The following TGFA variants were observed in gnomAD, a reference collection of about 807,000 sequenced individuals.
The protein encoded by TGFA is protransforming growth factor alpha.
TGFA carries 12 observed loss-of-function variants against 21.7 expected under a neutral mutation model. The observed-to-expected ratio is 0.55, with a 90% CI of 0.35 to 0.90. The LOEUF (loss-of-function observed/expected upper bound fraction) is 0.90. TGFA is among the 40% of genes least tolerant of loss of function. The pLI is 0.01. For missense variants in TGFA, 178 were observed against 210.8 expected (o/e 0.84, Z 0.96); for synonymous variants, 79 against 88.1 (o/e 0.90, Z 0.58).
At chr2:70,509,004 A>G (rs1553500597) in intron 2 of TGFA, among the ~76,000 whole-genome samples, 1 of 152,256 alleles carries the variant, frequency 6.6e-6, no homozygotes, top group Non-Finnish European at 1.5e-5. Context: ...GTGGATGACA[A>G]GGATAAATCT....
chr2:70,525,382 T>C lies in TGFA; in HGVS notation c.41-10470A>G, dbSNP rs542612043. Among the ~76,000 whole-genome samples, 5 of 152,260 alleles carry C rather than the reference T, an allele frequency of 3.3e-5. No individual in the cohort carries two copies. In the South Asian group the frequency reaches 1.0e-3, roughly 32 times the overall value. ...GCTGCCCCATTGCTAATCCCCACTG[T>C]CCACCTTGGGGGCTGGCCACAGGAC... On this transcript the variant is annotated intron_variant, in intron 1 of 5. Coordinates refer to ENST00000295400, the MANE Select transcript of TGFA (RefSeq NM_003236.4).
At chr2:70,453,358 A>G (rs782142790) in intron 4 of TGFA, 31 bp from the exon 5 acceptor site, 1 of 1,601,804 alleles carries the variant, frequency 6.2e-7, no homozygotes, top group East Asian at 2.2e-5. Flanking sequence ...CAGTCTGGGC[A>G]GGAGCCTGGT....
intron 1 of TGFA, among the ~76,000 whole-genome samples, chr2:70,521,029 A>G (rs1260435552): frequency 2.0e-5 from 3 of 151,808 alleles, no homozygotes; most frequent in Non-Finnish European, 4.4e-5. Flanking sequence ...TACTGCCCCA[A>G]TTCAGGCCCT....
At chr2:70,451,961 G>A (rs1208084750) in intron 5 of TGFA, among the ~76,000 whole-genome samples, 6 of 152,160 alleles carry the variant, frequency 3.9e-5, no homozygotes, top group African/African-American at 1.4e-4. Context: ...CTCAAGTGCC[G>A]CTCCCGCACT....
At chr2:70,542,079 C>A (rs879974415) in intron 1 of TGFA, among the ~76,000 whole-genome samples, 1 of 152,134 alleles carries the variant, frequency 6.6e-6, no homozygotes, top group Non-Finnish European at 1.5e-5. Flanking sequence ...CACCATAATT[C>A]ATTTGGCAAT....
In TGFA at chr2:70,456,344, C is replaced by T; in HGVS notation, c.360G>A (p.Leu120=). 6.4e-7 allele frequency: 1 copy of T among 1,555,940 alleles called. No homozygotes were observed. Among genetic ancestry groups the T allele is most frequent in the South Asian group, 1.2e-5 (1 of 84,244 alleles). Reference sequence around the variant, plus strand: ...TAGGGGCAGCAAGTACTCACTGTATCAGCACACATGTGATGATAAGGACAG... The same window carrying T: ...TAGGGGCAGCAAGTACTCACTGTATTAGCACACATGTGATGATAAGGACAG... The part of the protein sequence containing the change: ...ALAVLIITCV[L]IHCCQVRKHC... The change falls in exon 4 of 6, where the codon CTG becomes CTA. Residue 120 remains leucine (L), a synonymous_variant. Coordinates refer to ENST00000295400, the MANE Select transcript of TGFA (RefSeq NM_003236.4).
chr2:70,456,245 G>C, intron 4 of TGFA, 94 bp downstream of exon 4: 1 of 1,433,502 alleles, frequency 7.0e-7, no homozygotes, highest in Non-Finnish European at 9.4e-7. Flanking sequence ...GAAATAAGCT[G>C]TGCTGAGGTG....
chr2:70,504,462 A>ATG (rs1671848929), intron 2 of TGFA, among the ~76,000 whole-genome samples: 1 of 74,492 alleles, frequency 1.3e-5, no homozygotes, highest in African/African-American at 1.0e-4. Context: ...ATATATATAT[A>ATG]TACACACATA....
chr2:70,523,613 C>A lies in TGFA; in HGVS notation c.41-8701G>T, dbSNP rs1672545736. Among the ~76,000 whole-genome samples, 3 of 152,306 alleles carry A rather than the reference C, an allele frequency of 2.0e-5. No individual in the cohort carries two copies. In the South Asian group the frequency reaches 6.2e-4, roughly 32 times the overall value. On this transcript the variant is annotated intron_variant, in intron 1 of 5. Coordinates refer to ENST00000295400, the MANE Select transcript of TGFA (RefSeq NM_003236.4). ...TCCTCCACGATGCCCCCTGACCACT[C>A]TGGCAGGCAGAGCTCCCTGCCTGCA...
At chr2:70,454,931 A>G (rs1574065857) in intron 4 of TGFA, among the ~76,000 whole-genome samples, 1 of 151,952 alleles carries the variant, frequency 6.6e-6, no homozygotes. Context: ...AGTCCCTGTG[A>G]CCCTCCTGGC....
intron 1 of TGFA, among the ~76,000 whole-genome samples, chr2:70,534,064 C>T (rs1251136356): frequency 6.6e-6 from 1 of 152,154 alleles, no homozygotes. Context: ...CAGACCCGAA[C>T]CAGATACTGA....
At chr2:70,461,389 A>C (rs1293412383) in intron 3 of TGFA, among the ~76,000 whole-genome samples, 1 of 152,208 alleles carries the variant, frequency 6.6e-6, no homozygotes, top group East Asian at 1.9e-4. Context: ...GGGAGGCGCC[A>C]CCTTGGTCAC....
chr2:70,539,507 T>G (rs555234759), intron 1 of TGFA, among the ~76,000 whole-genome samples: 26 of 152,302 alleles, frequency 1.7e-4, no homozygotes, highest in African/African-American at 5.8e-4. Context: ...CAGGCTGGAG[T>G]GAAGTGGCAC....
chr2:70,545,879 TAA>T (rs1187974028), intron 1 of TGFA, among the ~76,000 whole-genome samples: 2 of 152,174 alleles, frequency 1.3e-5, no homozygotes, highest in African/African-American at 2.4e-5. Flanking sequence ...TCTTCTCATA[TAA>T]AGTGTTATTA....
intron 2 of TGFA, among the ~76,000 whole-genome samples, chr2:70,503,951 C>T (rs1438721202): frequency 6.6e-6 from 1 of 152,170 alleles, no homozygotes; most frequent in African/African-American, 2.4e-5. Context: ...ATCCCCTGTG[C>T]TTCATAAGCC....
chr2:70,453,423 C>T (rs1670124906), intron 4 of TGFA, 96 bp from the exon 5 acceptor site: 1 of 1,087,536 alleles, frequency 9.2e-7, no homozygotes, highest in Non-Finnish European at 1.3e-6. Context: ...GCAGCTCCAG[C>T]TCTAAACCAG....
intron 2 of TGFA, among the ~76,000 whole-genome samples, chr2:70,497,757 C>G (rs1671620068): frequency 6.6e-6 from 1 of 152,222 alleles, no homozygotes; most frequent in Non-Finnish European, 1.5e-5. Flanking sequence ...CCATGTCAGC[C>G]TGACCAGTAA....
chr2:70,548,189 T>C lies in TGFA; in HGVS notation c.40+5539A>G, dbSNP rs572244256. 7.2e-5 allele frequency among the ~76,000 whole-genome samples: 11 copies of C among 152,274 alleles called. No homozygotes were observed. In the East Asian group the frequency reaches 2.1e-3, roughly 29 times the overall value. On this transcript the variant is annotated intron_variant, in intron 1 of 5. Coordinates refer to ENST00000295400, the MANE Select transcript of TGFA (RefSeq NM_003236.4). ...GATTAACATGAACACCACCAAGTGT[T>C]TGCCAACTGAGTACCTCAGAGTATC...
At chr2:70,530,752 A>C (rs1672792418) in intron 1 of TGFA, among the ~76,000 whole-genome samples, 1 of 152,252 alleles carries the variant, frequency 6.6e-6, no homozygotes, top group Admixed American at 6.5e-5. Context: ...AGACCTCAGC[A>C]ATACCACCTG....
Sources: gnomAD v4.1 joint callset for allele counts (sites outside exome capture counted in the v4.1 genomes callset) on GRCh38, gnomAD v4.1.1 for gene constraint, MANE v1.5 for transcripts, NCBI Gene and HGNC (gene_info 2026-07-23, HGNC 2026-07-21) for gene names.